The following DLG2 variants were observed in gnomAD, a reference collection of about 807,000 sequenced individuals.
DLG2 encodes the protein discs large MAGUK scaffold protein 2.
In DLG2, 45 loss-of-function variants were observed where a neutral mutation model predicts 132.5. The observed-to-expected ratio is 0.34, with a 90% CI of 0.27 to 0.44. The LOEUF (loss-of-function observed/expected upper bound fraction) is 0.44, where lower values mean the gene tolerates loss of function less well. DLG2 is among the 20% of genes least tolerant of loss of function. The pLI, the probability that DLG2 is intolerant of heterozygous loss-of-function variation, is 1.00. For synonymous variants in DLG2, 424 were observed against 419.6 expected (o/e 1.01, Z -0.13); for missense variants, 1,045 against 1,196.9 (o/e 0.87, Z 1.87).
At chr11:85,445,530 A>C (rs1292354293) in intron 3 of DLG2, among the ~76,000 whole-genome samples, 1 of 152,162 alleles carries the variant, frequency 6.6e-6, no homozygotes, top group Non-Finnish European at 1.5e-5. Context: ...AATGCAAAAA[A>C]TTAGCTGTGC....
At chr11:84,805,617 ATC>A (rs1424616490) in intron 6 of DLG2, among the ~76,000 whole-genome samples, 3 of 151,942 alleles carry the variant, frequency 2.0e-5, no homozygotes, top group African/African-American at 7.3e-5. Flanking sequence ...GCCTCCCCCC[ATC>A]TCTGTCTTCC....
At chr11:84,099,721 C>T (rs373571253) in intron 9 of DLG2, among the ~76,000 whole-genome samples, 156 of 148,846 alleles carry the variant, frequency 1.0e-3, no homozygotes, top group Non-Finnish European at 1.4e-3. Flanking sequence ...ATTATAGTAA[C>T]TGATATCCTG....
At chr11:84,116,786 C>T (rs1019611425) in intron 9 of DLG2, among the ~76,000 whole-genome samples, 3 of 152,132 alleles carry the variant, frequency 2.0e-5, no homozygotes, top group Non-Finnish European at 4.4e-5. Flanking sequence ...CATAAAATGA[C>T]ATTAAATGTC....
intron 3 of DLG2, among the ~76,000 whole-genome samples, chr11:85,509,102 GA>G (rs1225058755): frequency 2.6e-5 from 4 of 152,016 alleles, no homozygotes; most frequent in Non-Finnish European, 5.9e-5. Flanking sequence ...TGAAGCTCAT[GA>G]TTTCACTTAC....
intron 4 of DLG2, among the ~76,000 whole-genome samples, chr11:85,170,293 CT>C (rs990625202): frequency 2.0e-5 from 3 of 152,226 alleles, no homozygotes; most frequent in Non-Finnish European, 4.4e-5. Context: ...TCCTGTGTCT[CT>C]GTATGACATT....
At position 84,394,185 on chromosome 11, in the gene DLG2, T is replaced by G. The variant is rs183832205; in HGVS notation, c.519+140385A>C. Among the ~76,000 whole-genome samples the G allele has an allele frequency of 2.2e-3, 337 of 152,286 alleles. 2 individuals are homozygous for G. The highest frequency in any genetic ancestry group is 7.9e-3 in the African/African-American group (327 of 41,568). ...AGCCACTGCACCTGGTCTCAATTTTTTAACCACACAAAGCAATGTTTTTCT... is the reference window on the plus strand; with the variant it reads ...AGCCACTGCACCTGGTCTCAATTTTGTAACCACACAAAGCAATGTTTTTCT... On this transcript the variant is annotated intron_variant, in intron 7 of 27. Transcript: ENST00000376104.
At chr11:84,835,442 G>T (rs1428930292) in intron 6 of DLG2, among the ~76,000 whole-genome samples, 1 of 151,544 alleles carries the variant, frequency 6.6e-6, no homozygotes, top group Admixed American at 6.6e-5. Context: ...TCTTCATAGG[G>T]CTATAGAAAA....
chr11:84,453,125 G>A (rs929246235), intron 7 of DLG2, among the ~76,000 whole-genome samples: 1 of 151,450 alleles, frequency 6.6e-6, no homozygotes, highest in South Asian at 2.1e-4. Flanking sequence ...TTAACTTGGA[G>A]ATATCTTTTA....
intron 9 of DLG2, among the ~76,000 whole-genome samples, chr11:84,163,257 T>C (rs1478630655): frequency 1.3e-5 from 2 of 152,182 alleles, no homozygotes; most frequent in Non-Finnish European, 2.9e-5. Context: ...CAATGAAATT[T>C]ACATACTAAA....
intron 8 of DLG2, among the ~76,000 whole-genome samples, chr11:84,222,725 C>T (rs967381017): frequency 3.3e-5 from 5 of 152,124 alleles, no homozygotes; most frequent in African/African-American, 9.7e-5. Context: ...CCACTTACCC[C>T]ACTCTCATCA....
chr11:84,291,677 AT>A (rs1208667383), intron 7 of DLG2, among the ~76,000 whole-genome samples: 1 of 152,216 alleles, frequency 6.6e-6, no homozygotes, highest in Admixed American at 6.5e-5. Context: ...ACAAGGGTTC[AT>A]GTAAAAACAA....
At chr11:85,508,775 T>C (rs554942866) in intron 3 of DLG2, among the ~76,000 whole-genome samples, 2 of 152,188 alleles carry the variant, frequency 1.3e-5, no homozygotes, top group African/African-American at 4.8e-5. Context: ...TTGTATTAAG[T>C]TTATAAACAG....
In DLG2 at chr11:84,656,180, G is replaced by T. The variant is rs148335693; in HGVS notation, c.358-121449C>A. 1.4e-4 allele frequency among the ~76,000 whole-genome samples: 21 copies of T among 152,212 alleles called. 1 individual carries two copies. The South Asian group carries it at 4.4e-3, about 32-fold the overall frequency. On this transcript the variant is annotated intron_variant, in intron 6 of 27. Transcript: ENST00000376104. ...TTGTTTCACATGGCATGCATCGACAGGTTGGAATCATGATGCATTCAGTTC... is the reference window on the plus strand; with the variant it reads ...TTGTTTCACATGGCATGCATCGACATGTTGGAATCATGATGCATTCAGTTC...
At chr11:85,561,462 AG>A (rs2153223839) in intron 3 of DLG2, among the ~76,000 whole-genome samples, 1 of 151,336 alleles carries the variant, frequency 6.6e-6, no homozygotes, top group Non-Finnish European at 1.5e-5. Context: ...GTATTACAAA[AG>A]GGAAACTATA....
chr11:84,734,279 G>A (rs537467114), intron 6 of DLG2, among the ~76,000 whole-genome samples: 4 of 152,142 alleles, frequency 2.6e-5, no homozygotes, highest in Non-Finnish European at 4.4e-5. Flanking sequence ...AGCATGGAAT[G>A]CTCTTCCATT....
chr11:84,021,999 G>A (rs188273652), intron 11 of DLG2, among the ~76,000 whole-genome samples: 2 of 152,122 alleles, frequency 1.3e-5, no homozygotes, highest in East Asian at 1.9e-4. Flanking sequence ...TGCCCGCCTC[G>A]GCTTCCCAAA....
At chr11:85,569,890 GGAAAATAGATCACTATAC>G (rs1270535265) in intron 3 of DLG2, among the ~76,000 whole-genome samples, 1 of 152,078 alleles carries the variant, frequency 6.6e-6, no homozygotes, top group Non-Finnish European at 1.5e-5. Flanking sequence ...TATACCCAAA[GGAAAATAGATCACTATAC>G]CAAAAAGATA....
At chr11:84,460,502 C>T (rs562924283) in intron 7 of DLG2, among the ~76,000 whole-genome samples, 54 of 150,488 alleles carry the variant, frequency 3.6e-4, no homozygotes, top group African/African-American at 1.3e-3. Context: ...ACATCTCTCT[C>T]ATGTTCAAAT....
chr11:84,143,560 T>C (rs911170592), intron 9 of DLG2, among the ~76,000 whole-genome samples: 3 of 152,170 alleles, frequency 2.0e-5, no homozygotes, highest in African/African-American at 7.2e-5. Flanking sequence ...CTTCAAACAA[T>C]AGATAATTTG....
Sources: allele counts gnomAD v4.1 joint callset (sites outside exome capture counted in the v4.1 genomes callset), GRCh38; gene constraint gnomAD v4.1.1; transcripts MANE v1.5; gene names NCBI Gene and HGNC (gene_info 2026-07-23, HGNC 2026-07-21).